Variants in UBE2H observed in about 807,000 individuals in gnomAD.
UBE2H encodes the protein ubiquitin conjugating enzyme E2 H.
In UBE2H, 3 loss-of-function variants were observed where a neutral mutation model predicts 29.0. The observed-to-expected ratio is 0.10, with a 90% CI of 0.05 to 0.27. The LOEUF is 0.27. Ranked by LOEUF, UBE2H falls within the 10% of genes least tolerant of loss-of-function variation. The probability of loss-of-function intolerance (pLI) is 1.00; values close to 1 mark genes in which losing one functional copy is unlikely to be tolerated. For synonymous variants in UBE2H, 69 were observed against 82.9 expected (o/e 0.83, Z 0.91); for missense variants, 68 against 228.2 (o/e 0.30, Z 4.52).
intron 5 of UBE2H, 182 bp from the exon 6 acceptor site, chr7:129,839,517 TA>T: frequency 1.5e-6 from 1 of 685,280 alleles, no homozygotes; most frequent in Non-Finnish European, 2.2e-6. Flanking sequence ...TTAAACATTT[TA>T]ATTTTAATTT....
rs1805248964 is a variant in UBE2H at position 129,832,570 on chromosome 7, C to T, written c.*2367G>A. The T allele has an allele frequency of 6.6e-6, 1 of 152,266 alleles. No homozygotes were observed. Among genetic ancestry groups the T allele is most frequent in the Non-Finnish European group, 1.5e-5 (1 of 68,162 alleles). The allele number at this position is 152,266 out of a possible 1,614,324, so 9.4% of individuals were successfully genotyped here. A position where few individuals can be genotyped will look rare whatever the true frequency, so the allele number is the denominator to read the frequency against. On this transcript the variant is annotated 3_prime_UTR_variant, in exon 7 of 7. Coordinates refer to ENST00000355621, the MANE Select transcript of UBE2H (RefSeq NM_003344.4). Reference sequence around the variant, plus strand: ...CAACCTCCCCCAGCAGGTCATTTGACAATTCTGCATCTTCCGCTCTCTGGT... The same window carrying T: ...CAACCTCCCCCAGCAGGTCATTTGATAATTCTGCATCTTCCGCTCTCTGGT...
chr7:129,856,777 C>T (rs1280473530), intron 5 of UBE2H, among the ~76,000 whole-genome samples: 1 of 152,198 alleles, frequency 6.6e-6, no homozygotes, highest in Non-Finnish European at 1.5e-5. Flanking sequence ...ATACAGCTAG[C>T]CCTCCATGTC....
intron 3 of UBE2H, among the ~76,000 whole-genome samples, chr7:129,863,997 T>C (rs538411195): frequency 2.0e-5 from 3 of 152,126 alleles, no homozygotes; most frequent in Non-Finnish European, 4.4e-5. Context: ...TTCACCATGT[T>C]GGCCAGGCTG....
chr7:129,840,353 AT>A (rs926283188), intron 5 of UBE2H, among the ~76,000 whole-genome samples: 138 of 145,718 alleles, frequency 9.5e-4, no homozygotes, highest in Middle Eastern at 3.6e-3. Context: ...TACCCAGCTA[AT>A]TTTTTTTTTT....
chr7:129,881,978 T>A (rs1038797143), intron 1 of UBE2H, among the ~76,000 whole-genome samples: 1 of 152,154 alleles, frequency 6.6e-6, no homozygotes, highest in African/African-American at 2.4e-5. Flanking sequence ...TCAGATCTTA[T>A]CCATAGCATC....
chr7:129,924,888 AC>A (rs375528739), intron 1 of UBE2H, among the ~76,000 whole-genome samples: 59 of 151,528 alleles, frequency 3.9e-4, no homozygotes, highest in Middle Eastern at 6.8e-3. Flanking sequence ...ACCTTCAACC[AC>A]CGCTGAACTC....
Position 129,930,998 on chromosome 7 carries a change from C to A in UBE2H, c.53+21505G>T, listed in dbSNP as rs555109142. On this transcript the variant is annotated intron_variant, in intron 1 of 6. Transcript: ENST00000355621. ...CTTTGGGAGGCTGAGGCAGGTGGATCACCTGAGGTCAGGAGTTCAAGACCA... is the reference window on the plus strand; with the variant it reads ...CTTTGGGAGGCTGAGGCAGGTGGATAACCTGAGGTCAGGAGTTCAAGACCA... 1.7e-4 allele frequency among the ~76,000 whole-genome samples: 26 copies of A among 149,780 alleles called. 1 individual carries two copies. The highest frequency in any genetic ancestry group is 7.4e-5 in the Non-Finnish European group (5 of 67,654).
At chr7:129,841,235 G>A (rs565000571) in intron 5 of UBE2H, among the ~76,000 whole-genome samples, 3 of 152,310 alleles carry the variant, frequency 2.0e-5, no homozygotes, top group African/African-American at 7.2e-5. Context: ...AGCAGCCAAA[G>A]TATAGGTCAA....
At chr7:129,931,005 G>T (rs759665857) in intron 1 of UBE2H, among the ~76,000 whole-genome samples, 5 of 150,476 alleles carry the variant, frequency 3.3e-5, no homozygotes, top group Non-Finnish European at 7.4e-5. Context: ...GATCACCTGA[G>T]GTCAGGAGTT....
chr7:129,944,351 G>A (rs939973645), intron 1 of UBE2H, among the ~76,000 whole-genome samples: 9 of 149,596 alleles, frequency 6.0e-5, no homozygotes, highest in African/African-American at 2.2e-4. Context: ...CGAAGACTCC[G>A]TCTCAAAACA....
At chr7:129,883,338 C>T (rs925967361) in intron 1 of UBE2H, among the ~76,000 whole-genome samples, 31 of 152,100 alleles carry the variant, frequency 2.0e-4, no homozygotes, top group Admixed American at 1.3e-4. Flanking sequence ...CAGTACTAAA[C>T]CTGCACATAT....
At chr7:129,839,540 T>TA (rs1805388967) in intron 5 of UBE2H, 2 of 555,040 alleles carry the variant, frequency 3.6e-6, no homozygotes, top group Admixed American at 8.1e-5. Context: ...AAGAACGAGA[T>TA]AAAGATATAC....
chr7:129,935,416 A>C (rs1807507783), intron 1 of UBE2H, among the ~76,000 whole-genome samples: 1 of 114,830 alleles, frequency 8.7e-6, no homozygotes, highest in South Asian at 4.0e-4. Context: ...GTCTCAAAGA[A>C]AAAAAAAAAA....
intron 1 of UBE2H, among the ~76,000 whole-genome samples, chr7:129,925,577 T>C (rs529411435): frequency 3.3e-5 from 5 of 152,268 alleles, no homozygotes; most frequent in African/African-American, 9.6e-5. Context: ...AAAACCCCGA[T>C]TGTATTCAGG....
chr7:129,944,714 A>AC (rs1807720166), intron 1 of UBE2H, among the ~76,000 whole-genome samples: 1 of 108,178 alleles, frequency 9.2e-6, no homozygotes, highest in Non-Finnish European at 1.9e-5. Flanking sequence ...CATGCGCTCA[A>AC]AACACACACA....
chr7:129,874,340 C>T (rs1437721617), intron 3 of UBE2H, among the ~76,000 whole-genome samples: 2 of 148,294 alleles, frequency 1.3e-5, no homozygotes, highest in Non-Finnish European at 3.0e-5. Flanking sequence ...GACAGAGTCT[C>T]GCTCTGTTGC....
chr7:129,851,350 T>C (rs1279083080), intron 5 of UBE2H, among the ~76,000 whole-genome samples: 2 of 152,212 alleles, frequency 1.3e-5, no homozygotes, highest in Non-Finnish European at 2.9e-5. Context: ...GGATTTGTTA[T>C]TAACCTTCCA....
At chr7:129,908,380 A>G (rs1584779457) in intron 1 of UBE2H, among the ~76,000 whole-genome samples, 1 of 152,316 alleles carries the variant, frequency 6.6e-6, no homozygotes, top group Non-Finnish European at 1.5e-5. Flanking sequence ...CATTCATTCC[A>G]TTATACTAAA....
intron 1 of UBE2H, among the ~76,000 whole-genome samples, chr7:129,884,449 GTA>G (rs972182440): frequency 2.6e-5 from 4 of 151,116 alleles, no homozygotes; most frequent in South Asian, 2.1e-4. Context: ...TCTACTTTTT[GTA>G]TATATGTTAT....
Sources: gnomAD v4.1 joint callset for allele counts (sites outside exome capture counted in the v4.1 genomes callset) on GRCh38, gnomAD v4.1.1 for gene constraint, MANE v1.5 for transcripts, NCBI Gene and HGNC (gene_info 2026-07-23, HGNC 2026-07-21) for gene names.